The following TMEM108 variants were observed in gnomAD, a reference collection of about 807,000 sequenced individuals.
TMEM108 encodes the protein cancer/testis antigen 124.
Under a neutral mutation model 35.1 loss-of-function variants are expected in TMEM108, and 12 were observed. That is an observed-to-expected ratio of 0.34 (90% CI 0.22 to 0.55). The LOEUF is 0.55. Ranked by LOEUF, TMEM108 falls within the 20% of genes least tolerant of loss-of-function variation. The pLI, the probability that TMEM108 is intolerant of heterozygous loss-of-function variation, is 0.89. For synonymous variants in TMEM108, 287 were observed against 308.6 expected, an observed-to-expected ratio of 0.93 and a Z score of 0.73; for missense variants, 680 against 753.3, an observed-to-expected ratio of 0.90 and a Z score of 1.14.
chr3:133,153,969 A>G (rs1944839229), intron 2 of TMEM108, among the ~76,000 whole-genome samples: 1 of 152,072 alleles, frequency 6.6e-6, no homozygotes, highest in African/African-American at 2.4e-5. Context: ...AAGGTGGTAT[A>G]TGGAGGACAT....
chr3:133,302,047 G>A (rs1947232002), intron 3 of TMEM108, among the ~76,000 whole-genome samples: 1 of 152,192 alleles, frequency 6.6e-6, no homozygotes, highest in African/African-American at 2.4e-5. Context: ...GGCTGAGGAA[G>A]GAAGGATGCA....
chr3:133,261,319 G>A (rs1946619948), intron 3 of TMEM108, among the ~76,000 whole-genome samples: 1 of 152,204 alleles, frequency 6.6e-6, no homozygotes, highest in South Asian at 2.1e-4. Flanking sequence ...TGAGACCTCT[G>A]TGGACATCAA....
At chr3:133,120,911 T>C (rs142205701) in intron 2 of TMEM108, 1 of 152,322 alleles carries the variant, frequency 6.6e-6, no homozygotes, top group African/African-American at 2.4e-5. Flanking sequence ...AGGATATATT[T>C]GTGTAACACA....
chr3:133,292,351 C>T (rs539625244), intron 3 of TMEM108, among the ~76,000 whole-genome samples: 36 of 152,324 alleles, frequency 2.4e-4, no homozygotes, highest in African/African-American at 8.7e-4. Flanking sequence ...CTAAGCTCCC[C>T]TCCAGTTCCA....
intron 3 of TMEM108, among the ~76,000 whole-genome samples, chr3:133,321,323 G>C (rs1035733670): frequency 6.6e-6 from 1 of 152,178 alleles, no homozygotes; most frequent in South Asian, 2.1e-4. Flanking sequence ...GGTGGGGAAA[G>C]ATATTCCATG....
rs1028611743 is a variant in TMEM108 at position 133,380,059 on chromosome 3, G to A, written c.348G>A (p.Gly116=). The part of the protein sequence containing the change: ...APHSESSLST[G]PAPAAMATTS... ...ATTCTGAAAGCTCCCTGTCCACAGG[G>A]CCCGCTCCAGCAGCCATGGCAACCA... Residue 116 remains glycine, a synonymous_variant, in exon 4 of 6, where the codon GGG becomes GGA. Transcript: ENST00000321871. This position sits in a 1 kb window ranked among gnomAD's most constrained non-coding sequence, Gnocchi z 5.3. 6.2e-7 allele frequency: 1 copy of A among 1,613,878 alleles called. No individual in the cohort carries two copies. Among genetic ancestry groups the A allele is most frequent in the Non-Finnish European group, 8.5e-7 (1 of 1,179,980 alleles).
At chr3:133,063,680 G>T (rs976893022) in intron 2 of TMEM108, among the ~76,000 whole-genome samples, 1 of 152,134 alleles carries the variant, frequency 6.6e-6, no homozygotes, top group Non-Finnish European at 1.5e-5. Context: ...TAAAAGATAT[G>T]ATTAAGTTAG....
At chr3:133,096,235 T>G (rs1234091296) in intron 2 of TMEM108, among the ~76,000 whole-genome samples, 2 of 152,202 alleles carry the variant, frequency 1.3e-5, no homozygotes, top group African/African-American at 4.8e-5. Flanking sequence ...CATGGCTCAC[T>G]GCAGCCTTGA....
intron 2 of TMEM108, among the ~76,000 whole-genome samples, chr3:133,073,510 C>CTCTCTCTCTCTATA: frequency 0.013 from 582 of 43,788 alleles, 12 homozygotes; most frequent in Non-Finnish European, 0.016. Context: ...CTCTCTCTCT[C>CTCTCTCTCTCTATA]TATATATATA....
At chr3:133,054,798 A>G (rs2107677360) in intron 2 of TMEM108, among the ~76,000 whole-genome samples, 1 of 152,368 alleles carries the variant, frequency 6.6e-6, no homozygotes, top group Middle Eastern at 3.4e-3. Context: ...ATGGCAGCAC[A>G]AACAGCCCGT....
At chr3:133,172,967 T>G (rs1336209628) in intron 2 of TMEM108, among the ~76,000 whole-genome samples, 1 of 152,222 alleles carries the variant, frequency 6.6e-6, no homozygotes, top group Non-Finnish European at 1.5e-5. Context: ...GACTTGCTCC[T>G]TCTTGCCTTC....
intron 2 of TMEM108, among the ~76,000 whole-genome samples, chr3:133,089,645 G>C (rs1163051074): frequency 6.6e-6 from 1 of 152,142 alleles, no homozygotes; most frequent in Non-Finnish European, 1.5e-5. Context: ...GCAGGAAAAA[G>C]GTTGGCTTAA....
chr3:133,149,627 A>G (rs537533456), intron 2 of TMEM108, among the ~76,000 whole-genome samples: 1 of 152,284 alleles, frequency 6.6e-6, no homozygotes, highest in Non-Finnish European at 1.5e-5. Flanking sequence ...ATTTCACTTA[A>G]CATAACATCC....
chr3:133,230,876 T>C (rs570994428), intron 3 of TMEM108, among the ~76,000 whole-genome samples: 1 of 152,308 alleles, frequency 6.6e-6, no homozygotes, highest in South Asian at 2.1e-4. Context: ...CTCTGAATGC[T>C]GAAGGGGGTT....
At chr3:133,326,064 T>C (rs2071328972) in intron 3 of TMEM108, among the ~76,000 whole-genome samples, 1 of 152,226 alleles carries the variant, frequency 6.6e-6, no homozygotes. Context: ...GTTATACTTT[T>C]ATTCCCAATT....
intron 3 of TMEM108, among the ~76,000 whole-genome samples, chr3:133,322,642 C>A (rs913716065): frequency 6.6e-6 from 1 of 151,986 alleles, no homozygotes; most frequent in African/African-American, 2.4e-5. Flanking sequence ...GATAGAGAAA[C>A]AGGGAAACCT....
At chr3:133,247,721 A>C (rs979207500) in intron 3 of TMEM108, 7 of 152,124 alleles carry the variant, frequency 4.6e-5, no homozygotes, top group Non-Finnish European at 1.0e-4. Context: ...TTCTGTTTTC[A>C]TGATCTTTCA....
chr3:133,381,283 A>G, intron 4 of TMEM108, 122 bp downstream of exon 4: 1 of 1,051,526 alleles, frequency 9.5e-7, no homozygotes, highest in East Asian at 2.6e-5. Context: ...CCAGAATCTC[A>G]GGAAACTAGG....
At chr3:133,223,676 C>G (rs1462768695) in intron 2 of TMEM108, among the ~76,000 whole-genome samples, 1 of 152,124 alleles carries the variant, frequency 6.6e-6, no homozygotes, top group Admixed American at 6.5e-5. Context: ...AGAGATTCAG[C>G]TGAGAAACCA....
Sources: gnomAD v4.1 joint callset for allele counts (sites outside exome capture counted in the v4.1 genomes callset) on GRCh38, gnomAD v4.1.1 for gene constraint, Gnocchi (gnomAD v3.1) non-coding constraint, MANE v1.5 for transcripts, NCBI Gene and HGNC (gene_info 2026-07-23, HGNC 2026-07-21) for gene names.